The following ATP2C1 variants were observed in gnomAD, a reference collection of about 807,000 sequenced individuals.
The protein encoded by ATP2C1 is ATPase secretory pathway Ca2+ transporting 1.
ATP2C1 carries 31 observed loss-of-function variants against 120.5 expected under a neutral mutation model. The observed-to-expected ratio is 0.26, with a 90% CI of 0.19 to 0.35. The LOEUF (loss-of-function observed/expected upper bound fraction) is 0.35. Ranked by LOEUF, ATP2C1 falls within the 10% of genes least tolerant of loss-of-function variation. ATP2C1 has a pLI of 1.00. For synonymous variants in ATP2C1, 351 were observed against 358.7 expected (o/e 0.98, Z 0.24); for missense variants, 731 against 1,107.5 (o/e 0.66, Z 4.83).
chr3:130,913,265 A>T (rs2108148473), intron 2 of ATP2C1, among the ~76,000 whole-genome samples: 1 of 149,694 alleles, frequency 6.7e-6, no homozygotes, highest in African/African-American at 2.5e-5. Context: ...AATAAATTTA[A>T]AAAAAAAAAA....
chr3:130,993,827 T>C, intron 21 of ATP2C1, 105 bp from the exon 22 acceptor site: 1 of 1,145,108 alleles, frequency 8.7e-7, no homozygotes, highest in Non-Finnish European at 1.3e-6. Context: ...TTATTTCTAA[T>C]CTTAATTATG....
At chr3:130,969,498 C>G in intron 17 of ATP2C1, 102 bp downstream of exon 17, 1 of 857,728 alleles carries the variant, frequency 1.2e-6, no homozygotes, top group Non-Finnish European at 1.9e-6. Flanking sequence ...ATAATAAAGA[C>G]TTGTTGCTTT....
At chr3:130,962,219 A>G (rs1348079633) in intron 12 of ATP2C1, among the ~76,000 whole-genome samples, 1 of 152,100 alleles carries the variant, frequency 6.6e-6, no homozygotes, top group Non-Finnish European at 1.5e-5. Context: ...ATGCAGAAGT[A>G]GAAAAATTCA....
rs765124724 is a variant in ATP2C1, at chr3:130,999,587, A to G, written c.2557A>G (p.Met853Val). The change falls in exon 27 of 28, where the codon ATG becomes GTG. Residue 853 changes from methionine (M) to valine (V), a missense_variant. Physicochemically the swap from Met to Val is conservative, Grantham distance 21. Around this residue, in one of 3 missense-constraint regions of ATP2C1, gnomAD observed 141 missense variants for 201.6 expected, o/e 0.70. Transcript: ENST00000510168. ...MFCYAVLGSIMGQLLVIYFPP... is the reference protein window; with the variant it reads ...MFCYAVLGSIVGQLLVIYFPP... ...TTGCTATGCAGTTCTTGGATCCATC[A>G]TGGGACAATTACTAGTTATTTACTT... The G allele has an allele frequency of 2.5e-6, 4 of 1,613,492 alleles. No homozygotes were observed. Among genetic ancestry groups the G allele is most frequent in the Non-Finnish European group, 3.4e-6 (4 of 1,179,680 alleles).
At chr3:130,878,237 T>G (rs762553002) in intron 1 of ATP2C1, among the ~76,000 whole-genome samples, 7 of 152,054 alleles carry the variant, frequency 4.6e-5, no homozygotes, top group Non-Finnish European at 8.8e-5. Flanking sequence ...TGTATACATA[T>G]GTAACAAACC....
At chr3:130,941,127 G>A (rs999224568) in intron 7 of ATP2C1, among the ~76,000 whole-genome samples, 3 of 151,832 alleles carry the variant, frequency 2.0e-5, no homozygotes, top group African/African-American at 7.3e-5. Context: ...TGTTAGCCAG[G>A]ATGGTCTCGA....
chr3:130,880,301 A>G (rs2068740806), intron 1 of ATP2C1, among the ~76,000 whole-genome samples: 1 of 152,148 alleles, frequency 6.6e-6, no homozygotes, highest in South Asian at 2.1e-4. Flanking sequence ...CAGATGTTTG[A>G]ATTGGGAGCT....
intron 20 of ATP2C1, among the ~76,000 whole-genome samples, chr3:130,984,275 A>G (rs2061898588): frequency 6.6e-6 from 1 of 152,044 alleles, no homozygotes; most frequent in South Asian, 2.1e-4. Context: ...TCTGATTATT[A>G]TTATTATTGT....
At position 130,894,138 on chromosome 3, in the gene ATP2C1, C is replaced by A; in HGVS notation, c.-380C>A. 2.1e-6 allele frequency: 2 copies of A among 933,780 alleles called. No individual in the cohort carries two copies. The highest frequency in any genetic ancestry group is 2.6e-6 in the Non-Finnish European group (2 of 782,820). The allele number at this position is 933,780 out of a possible 1,614,324, so 57.8% of individuals were successfully genotyped here. A position where few individuals can be genotyped will look rare whatever the true frequency, so the allele number is the denominator to read the frequency against. ...GGCGGACCGTGACGGGTCCCCTCAC[C>A]TCCTCTTCTCTCCCCTCCCCGCCCG... On this transcript the variant is annotated 5_prime_UTR_variant, in exon 1 of 28. Transcript: ENST00000510168. The surrounding 1 kb of genome is among the most constrained non-coding windows in gnomAD (Gnocchi z 4.5).
chr3:130,943,957 G>A lies in ATP2C1; in HGVS notation c.531+2258G>A, dbSNP rs2108474649. 1.3e-5 allele frequency among the ~76,000 whole-genome samples: 2 copies of A among 152,258 alleles called. 1 individual carries two copies. Among genetic ancestry groups the A allele is most frequent in the South Asian group, 4.1e-4 (2 of 4,830 alleles). Reference sequence around the variant, plus strand: ...TTTGTTGGCTCAGTTTGGCTGTGGTGATCTTTGGATAATTTTGTAAGGCTA... The same window carrying A: ...TTTGTTGGCTCAGTTTGGCTGTGGTAATCTTTGGATAATTTTGTAAGGCTA... On this transcript the variant is annotated intron_variant, in intron 8 of 27. Transcript: ENST00000510168.
At chr3:130,986,077 T>C (rs1351555037) in intron 20 of ATP2C1, among the ~76,000 whole-genome samples, 1 of 152,114 alleles carries the variant, frequency 6.6e-6, no homozygotes, top group Non-Finnish European at 1.5e-5. Flanking sequence ...CCCAGTATGT[T>C]GGGATCATAG....
At chr3:130,961,787 A>C (rs563084620) in intron 12 of ATP2C1, among the ~76,000 whole-genome samples, 5 of 152,190 alleles carry the variant, frequency 3.3e-5, no homozygotes, top group African/African-American at 1.2e-4. Flanking sequence ...TAATTGACAG[A>C]GAAGACTTTT....
At position 130,894,112 on chromosome 3, in the gene ATP2C1, C is replaced by A. The variant is rs553708590; in HGVS notation, c.-406C>A. 10 of 972,334 alleles carry A rather than the reference C, an allele frequency of 1.0e-5. No homozygotes were observed. The South Asian group carries it at 2.4e-4, about 23-fold the overall frequency. The allele number at this position is 972,334 out of a possible 1,614,324, so 60.2% of individuals were successfully genotyped here. A position where few individuals can be genotyped will look rare whatever the true frequency, so the allele number is the denominator to read the frequency against. On this transcript the variant is annotated 5_prime_UTR_variant, in exon 1 of 28. Transcript: ENST00000510168. This position sits in a 1 kb window ranked among gnomAD's most constrained non-coding sequence, Gnocchi z 4.5. Reference sequence around the variant, plus strand: ...CCAGCACGGCCTCGCGGAGCCGGCCCGGCGGACCGTGACGGGTCCCCTCAC... The same window carrying A: ...CCAGCACGGCCTCGCGGAGCCGGCCAGGCGGACCGTGACGGGTCCCCTCAC...
intron 1 of ATP2C1, among the ~76,000 whole-genome samples, chr3:130,857,253 G>A (rs1401218862): frequency 1.3e-5 from 2 of 152,180 alleles, no homozygotes; most frequent in African/African-American, 4.8e-5. Flanking sequence ...ATGCCTGAGA[G>A]TTATCATTGA....
At chr3:131,016,154 C>G in exon 27 of ATP2C1, 1 of 1,613,660 alleles carries the variant, frequency 6.2e-7, no homozygotes, top group African/African-American at 1.3e-5. Flanking sequence ...CGAGTTAGGT[C>G]TGGCTCTGGG....
At chr3:130,959,096 C>T (rs2060704500) in intron 11 of ATP2C1, among the ~76,000 whole-genome samples, 179 bp from the exon 12 acceptor site, 1 of 152,096 alleles carries the variant, frequency 6.6e-6, no homozygotes, top group Non-Finnish European at 1.5e-5. Flanking sequence ...ACAGCATTCA[C>T]ATTAAGCAGT....
chr3:131,015,828 G>C (rs2063596857), intron 26 of ATP2C1: 1 of 439,550 alleles, frequency 2.3e-6, no homozygotes, highest in Non-Finnish European at 4.2e-6. Context: ...TAAAGACTGA[G>C]AGGAAAGGAG....
At chr3:130,930,548 A>C in intron 3 of ATP2C1, 22 bp downstream of exon 3, 1 of 1,442,324 alleles carries the variant, frequency 6.9e-7, no homozygotes, top group Non-Finnish European at 9.8e-7. Context: ...GTGGGGAGGA[A>C]GGGACTAGAT....
At position 131,002,875 on chromosome 3, in the gene ATP2C1, C is replaced by T. The variant is rs904802850; in HGVS notation, c.*1525C>T. 1 of 985,740 alleles carries T rather than the reference C, an allele frequency of 1.0e-6. No individual in the cohort carries two copies. The highest frequency in any genetic ancestry group is 1.2e-6 in the Non-Finnish European group (1 of 829,878). The allele number at this position is 985,740 out of a possible 1,614,324, so 61.1% of individuals were successfully genotyped here. Reference sequence around the variant, plus strand: ...CTGGCTGCAGTTTATTCTACTTAACCCTTTAAGGCTGAATTGTCAAATGTA... The same window carrying T: ...CTGGCTGCAGTTTATTCTACTTAACTCTTTAAGGCTGAATTGTCAAATGTA... On this transcript the variant is annotated 3_prime_UTR_variant, in exon 28 of 28. Transcript: ENST00000510168.
Sources: gnomAD v4.1 joint callset for allele counts (sites outside exome capture counted in the v4.1 genomes callset) on GRCh38, gnomAD v4.1.1 for gene constraint, gnomAD v4.1.1 regional missense constraint, Gnocchi (gnomAD v3.1) non-coding constraint, MANE v1.5 for transcripts, NCBI Gene and HGNC (gene_info 2026-07-23, HGNC 2026-07-21) for gene names.